The following BEAN1 variants were observed in gnomAD, a reference collection of about 807,000 sequenced individuals.
BEAN1 encodes brain expressed associated with NEDD4 1, also known as protein BEAN1.
In BEAN1, 17 loss-of-function variants were observed where a neutral mutation model predicts 17.7. The observed-to-expected ratio is 0.96, with a 90% confidence interval of 0.66 to 1.44. The LOEUF (loss-of-function observed/expected upper bound fraction) is 1.44. BEAN1 is among the 40% of genes most tolerant of loss of function. The pLI is 0.00. For synonymous variants in BEAN1, 142 were observed against 151.8 expected (o/e 0.94, Z 0.47); for missense variants, 359 against 374.1 (o/e 0.96, Z 0.33).
At chr16:66,488,207 G>A (rs1482779615) in intron 4 of BEAN1, among the ~76,000 whole-genome samples, 1 of 147,438 alleles carries the variant, frequency 6.8e-6, no homozygotes, top group African/African-American at 2.5e-5. Flanking sequence ...AGCAATAGAA[G>A]AATCACAGTG....
rs1042100556 is a variant in BEAN1 at position 66,488,532 on chromosome 16, A to C, written c.148-4430A>C. Among the ~76,000 whole-genome samples the C allele has an allele frequency of 1.8e-4, 23 of 131,062 alleles. No homozygotes were observed. The East Asian group carries it at 4.1e-3, about 23-fold the overall frequency. 86.0% of individuals were successfully genotyped at this position (131,062 alleles called of 152,430 possible). On this transcript the variant is annotated intron_variant, in intron 4 of 4. Coordinates refer to the BEAN1 transcript ENST00000561796. ...CTTATCACTACCAAAAAAAAAAAAA[A>C]AAAAAAAACTGTTTTAATTAGCCAG...
At chr16:66,435,739 G>A (rs1961989995) in intron 1 of BEAN1, among the ~76,000 whole-genome samples, 2 of 152,144 alleles carry the variant, frequency 1.3e-5, no homozygotes, top group South Asian at 2.1e-4. Flanking sequence ...CGCCTGCCTC[G>A]GCCTCCCAAA....
At chr16:66,494,733 T>C (rs7206602), downstream of BEAN1, among the ~76,000 whole-genome samples, 929 of 152,318 alleles carry the variant, frequency 6.1e-3, 11 homozygotes, top group African/African-American at 0.022. Context: ...CAGGGTCAAC[T>C]CTCATGCCTG....
intron 2 of BEAN1, among the ~76,000 whole-genome samples, chr16:66,450,053 G>A (rs1256249542): frequency 6.6e-6 from 1 of 152,198 alleles, no homozygotes; most frequent in African/African-American, 2.4e-5. Context: ...GAACTAAATA[G>A]TGTAACCACA....
rs75723849 is a variant in BEAN1, at chr16:66,439,345, G to A, written c.25+1644G>A. Reference sequence around the variant, plus strand: ...GAGTCCCAGGCCAGGAGAGGAGACTGCTATTCAGGGCACCCCAGAGCCCAG... The same window carrying A: ...GAGTCCCAGGCCAGGAGAGGAGACTACTATTCAGGGCACCCCAGAGCCCAG... On this transcript the variant is annotated intron_variant, in intron 2 of 4. Coordinates refer to ENST00000536005, the MANE Select transcript of BEAN1 (RefSeq NM_001178020.3). Among the ~76,000 whole-genome samples the A allele has an allele frequency of 2.0e-3, 303 of 152,346 alleles. 1 individual carries two copies. The highest frequency in any genetic ancestry group is 6.7e-3 in the African/African-American group (279 of 41,576).
chr16:66,469,481 C>G, intron 2 of BEAN1, 121 bp from the exon 3 acceptor site: 1 of 1,252,338 alleles, frequency 8.0e-7, no homozygotes, highest in Non-Finnish European at 1.1e-6. Flanking sequence ...GTCCGTGGGC[C>G]TGAGCCCAGA....
downstream of BEAN1, among the ~76,000 whole-genome samples, chr16:66,494,987 T>C (rs759507462): frequency 3.3e-5 from 5 of 152,090 alleles, no homozygotes; most frequent in South Asian, 6.2e-4. Flanking sequence ...ATCTGTGAAA[T>C]GGGAAAAATT....
intron 3 of BEAN1, among the ~76,000 whole-genome samples, chr16:66,472,690 C>G (rs1267015446): frequency 6.7e-6 from 1 of 149,878 alleles, no homozygotes; most frequent in South Asian, 2.1e-4. Flanking sequence ...GGTGGCAGAA[C>G]GAGACTCTGT....
At chr16:66,470,377 G>A (rs1206957559) in intron 3 of BEAN1, among the ~76,000 whole-genome samples, 1 of 152,036 alleles carries the variant, frequency 6.6e-6, no homozygotes, top group Non-Finnish European at 1.5e-5. Context: ...TGGGTGGAGA[G>A]TATGAATGGA....
rs1045327703 is a variant in BEAN1 at position 66,471,017 on chromosome 16, A to G, written c.289+1152A>G. On this transcript the variant is annotated intron_variant, in intron 3 of 4. Coordinates refer to ENST00000536005, the MANE Select transcript of BEAN1 (RefSeq NM_001178020.3). The surrounding 1 kb of genome is among the most constrained non-coding windows in gnomAD (Gnocchi z 4.7). ...CAGGGTGAAGTGATGCCAACCTCCT[A>G]GGAGCCAGAGCCATGGCCAGACCTG... 3.3e-5 allele frequency among the ~76,000 whole-genome samples: 5 copies of G among 152,174 alleles called. No homozygotes were observed. The highest frequency in any genetic ancestry group is 1.2e-4 in the African/African-American group (5 of 41,450).
intron 1 of BEAN1, among the ~76,000 whole-genome samples, chr16:66,428,685 G>A (rs191025119): frequency 1.3e-5 from 2 of 152,256 alleles, no homozygotes; most frequent in African/African-American, 4.8e-5. Flanking sequence ...AGGGTATGTA[G>A]CCTGGTGCCT....
chr16:66,436,977 T>C (rs1243157922), intron 1 of BEAN1, among the ~76,000 whole-genome samples: 2 of 152,170 alleles, frequency 1.3e-5, no homozygotes, highest in Non-Finnish European at 2.9e-5. Context: ...CAAACTGATC[T>C]GGACTCAAGT....
intron 2 of BEAN1, among the ~76,000 whole-genome samples, chr16:66,458,948 C>T (rs549900141): frequency 7.9e-5 from 12 of 152,358 alleles, no homozygotes; most frequent in Non-Finnish European, 1.8e-4. Context: ...GCTCCTGCCT[C>T]GTCAGGGGAC....
downstream of BEAN1, chr16:66,483,155 A>T (rs1189799666): frequency 4.0e-6 from 1 of 250,320 alleles, no homozygotes; most frequent in Non-Finnish European, 8.0e-6. Flanking sequence ...CTTGTAAGAA[A>T]AGGAAACACT....
At chr16:66,428,793 T>C (rs1034406625) in intron 1 of BEAN1, among the ~76,000 whole-genome samples, 1 of 152,148 alleles carries the variant, frequency 6.6e-6, no homozygotes, top group African/African-American at 2.4e-5. Context: ...TCTGAAGTGG[T>C]GCTCCCAGCC....
At chr16:66,485,191 TG>T, downstream of BEAN1, 1 of 431,528 alleles carries the variant, frequency 2.3e-6, no homozygotes, top group Non-Finnish European at 4.7e-6. Context: ...ATACACACAC[TG>T]GGGCCCCTCC....
chr16:66,480,141 C>A (rs893300255), intron 4 of BEAN1, among the ~76,000 whole-genome samples: 3 of 152,128 alleles, frequency 2.0e-5, no homozygotes, highest in African/African-American at 7.2e-5. Flanking sequence ...CTCTTTTGCT[C>A]TGCATCTGTG....
chr16:66,491,237 CCCTTGCTCTGGGTGGCTGCTGTTGTGG>C (rs1964172694), intron 4 of BEAN1, among the ~76,000 whole-genome samples: 1 of 152,224 alleles, frequency 6.6e-6, no homozygotes, highest in South Asian at 2.1e-4. Flanking sequence ...GAGGAAGTGG[CCCTTGCTCTGGGTGGCTGCTGTTGTGG>C]GGATCCCAGC....
At chr16:66,459,478 C>A (rs1483709129) in intron 2 of BEAN1, among the ~76,000 whole-genome samples, 1 of 152,144 alleles carries the variant, frequency 6.6e-6, no homozygotes, top group Non-Finnish European at 1.5e-5. Context: ...TGCCACCATG[C>A]AAGGCTAATT....
Sources: gnomAD v4.1 joint callset for allele counts (sites outside exome capture counted in the v4.1 genomes callset) on GRCh38, gnomAD v4.1.1 for gene constraint, Gnocchi (gnomAD v3.1) non-coding constraint, MANE v1.5 for transcripts, NCBI Gene and HGNC (gene_info 2026-07-23, HGNC 2026-07-21) for gene names.